Variants in KCNIP2 observed in about 807,000 individuals in gnomAD.
KCNIP2 encodes the protein A-type potassium channel modulatory protein KCNIP2.
Under a neutral mutation model 39.0 loss-of-function variants are expected in KCNIP2, and 19 were observed. That is an observed-to-expected ratio of 0.49 (90% CI 0.34 to 0.71). The LOEUF is 0.71. Among genes scored for constraint, KCNIP2 ranks in the 30% least tolerant of loss-of-function variants. The pLI is 0.01. For missense variants in KCNIP2, 261 were observed against 346.0 expected (o/e 0.75, Z 1.95); for synonymous variants, 111 against 131.2 (o/e 0.85, Z 1.05).
rs186239791 is a variant in KCNIP2 at position 101,843,183 on chromosome 10, G to A, written c.73+313C>T. Among the ~76,000 whole-genome samples the A allele has an allele frequency of 7.2e-5, 11 of 151,988 alleles. No individual in the cohort carries two copies. Among genetic ancestry groups the A allele is most frequent in the Admixed American group, 7.2e-4 (11 of 15,266 alleles). On this transcript the variant is annotated intron_variant, in intron 1 of 9. Transcript: ENST00000356640. This position sits in a 1 kb window ranked among gnomAD's most constrained non-coding sequence, Gnocchi z 6.7. ...TGGCAACCAGCTGTGGGAGGTGCGCGCGCACACACACACACACACACAGAA... is the reference window on the plus strand; with the variant it reads ...TGGCAACCAGCTGTGGGAGGTGCGCACGCACACACACACACACACACAGAA...
intron 1 of KCNIP2, among the ~76,000 whole-genome samples, 169 bp from the exon 2 acceptor site, chr10:101,831,336 A>C (rs952194836): frequency 2.6e-5 from 4 of 152,180 alleles, no homozygotes; most frequent in African/African-American, 9.7e-5. Flanking sequence ...AGGGGAGCCC[A>C]GTGAGTCCAT....
intron 1 of KCNIP2, among the ~76,000 whole-genome samples, chr10:101,835,524 G>A (rs967167254): frequency 1.3e-5 from 2 of 152,134 alleles, no homozygotes; most frequent in African/African-American, 2.4e-5. Context: ...AGCCCTGCCT[G>A]CTCCTTAGGA....
intron 8 of KCNIP2, 42 bp from the exon 9 acceptor site, chr10:101,827,793 AAG>A: frequency 1.3e-6 from 2 of 1,558,710 alleles, no homozygotes; most frequent in Non-Finnish European, 1.8e-6. Context: ...GAGGGATGGC[AAG>A]AGAGAGGCAG....
In KCNIP2 at chr10:101,827,279, A is replaced by G; in HGVS notation, c.*74T>C. On this transcript the variant is annotated 3_prime_UTR_variant, in exon 10 of 10. Transcript: ENST00000356640. Reference sequence around the variant, plus strand: ...GTAGGATGAGGATAGACCTGGGAAGAGAAGGGTGAGGTCCGCCTGGACTAG... The same window carrying G: ...GTAGGATGAGGATAGACCTGGGAAGGGAAGGGTGAGGTCCGCCTGGACTAG... The G allele has an allele frequency of 6.6e-7, 1 of 1,506,250 alleles. No individual in the cohort carries two copies. The highest frequency in any genetic ancestry group is 1.4e-5 in the South Asian group (1 of 73,738). The allele number at this position is 1,506,250 out of a possible 1,614,324, so 93.3% of individuals were successfully genotyped here. A position where few individuals can be genotyped will look rare whatever the true frequency, so the allele number is the denominator to read the frequency against.
At position 101,827,929 on chromosome 10, in the gene KCNIP2, C is replaced by G; in HGVS notation, c.662G>C (p.Arg221Pro). ...MMGKYTYPAL[R>P]EEAPREHVES... Reference sequence around the variant, plus strand: ...CACGTGTTCCCTTGGGGCCTCCTCCCGGAGTGCAGGGTACGTGTACTTGCC... The same window carrying G: ...CACGTGTTCCCTTGGGGCCTCCTCCGGGAGTGCAGGGTACGTGTACTTGCC... The change falls in exon 8 of 10, where the codon CGG becomes CCG. Residue 221 changes from arginine to proline, a missense_variant. By Grantham distance (103) the Arg-to-Pro change is moderately radical (BLOSUM62 -2). Coordinates refer to ENST00000356640, the MANE Select transcript of KCNIP2 (RefSeq NM_173191.3). 2 of 1,614,074 alleles carry G rather than the reference C, an allele frequency of 1.2e-6. No individual in the cohort carries two copies. The highest frequency in any genetic ancestry group is 1.7e-6 in the Non-Finnish European group (2 of 1,179,952).
chr10:101,831,159 G>C lies in KCNIP2; in HGVS notation c.82C>G (p.Pro28Ala). The part of the protein sequence containing the change: ...GSYDQLTGHP[P>A]GPTKKALKQR... ...TTCAGCGCTTTTTTAGTGGGCCCTGGAGGGTGGCCTGGGAAGAGAGAAGAC... is the reference window on the plus strand; with the variant it reads ...TTCAGCGCTTTTTTAGTGGGCCCTGCAGGGTGGCCTGGGAAGAGAGAAGAC... The change falls in exon 2 of 10, where the codon CCA becomes GCA. Residue 28 changes from proline to alanine, a missense_variant. Physicochemically the swap from Pro to Ala is conservative, Grantham distance 27. Transcript: ENST00000356640. 6.2e-7 allele frequency: 1 copy of C among 1,605,682 alleles called. No individual in the cohort carries two copies. The highest frequency in any genetic ancestry group is 8.5e-7 in the Non-Finnish European group (1 of 1,176,334).
Position 101,827,246 on chromosome 10 carries a change from AG to A in KCNIP2, c.*106del. 7.2e-7 allele frequency: 1 copy of A among 1,382,156 alleles called. No individual in the cohort carries two copies. The highest frequency in any genetic ancestry group is 9.4e-7 in the Non-Finnish European group (1 of 1,062,434). 85.6% of individuals were successfully genotyped at this position (1,382,156 alleles called of 1,614,324 possible). On this transcript the variant is annotated 3_prime_UTR_variant, in exon 10 of 10. Transcript: ENST00000356640. Reference sequence around the variant, plus strand: ...AAGCTCTTGGATCCCTCCAGCCCCCAGGGAGGCGTAGGATGAGGATAGACCT... The same window carrying A: ...AAGCTCTTGGATCCCTCCAGCCCCCAGGAGGCGTAGGATGAGGATAGACCT...
chr10:101,829,035 T>C (rs757353974), intron 4 of KCNIP2, 40 bp downstream of exon 4: 2 of 1,600,378 alleles, frequency 1.2e-6, no homozygotes, highest in African/African-American at 1.3e-5. Flanking sequence ...TGGGTCCTCC[T>C]GTCCCACCCT....
chr10:101,836,514 G>A (rs1369320434), intron 1 of KCNIP2, among the ~76,000 whole-genome samples: 1 of 152,040 alleles, frequency 6.6e-6, no homozygotes, highest in East Asian at 1.9e-4. Flanking sequence ...GGAATTCCAG[G>A]CGTGTGCCAC....
intron 1 of KCNIP2, among the ~76,000 whole-genome samples, chr10:101,834,631 A>C (rs1318526284): frequency 6.6e-6 from 1 of 152,134 alleles, no homozygotes; most frequent in Non-Finnish European, 1.5e-5. Flanking sequence ...TTTGGCCAAG[A>C]TATGGGCCAG....
Position 101,828,784 on chromosome 10 carries a change from G to A in KCNIP2, c.349-88C>T, listed in dbSNP as rs554662129. ...CCCTCCATGGCCCAAGACTCCCAGG[G>A]AGGGGGATAATCTTCAAGCCTCCAG... On this transcript the variant is annotated intron_variant, in intron 4 of 9. Coordinates refer to ENST00000356640, the MANE Select transcript of KCNIP2 (RefSeq NM_173191.3). The surrounding 1 kb of genome is among the most constrained non-coding windows in gnomAD (Gnocchi z 6.6). 6.2e-6 allele frequency: 10 copies of A among 1,609,910 alleles called. No homozygotes were observed. The South Asian group carries it at 1.1e-4, about 18-fold the overall frequency.
chr10:101,843,403 G>T lies in KCNIP2; in HGVS notation c.73+93C>A. On this transcript the variant is annotated intron_variant, in intron 1 of 9. Coordinates refer to ENST00000356640, the MANE Select transcript of KCNIP2 (RefSeq NM_173191.3). This position sits in a 1 kb window ranked among gnomAD's most constrained non-coding sequence, Gnocchi z 6.7. ...AGAGTGCCTGGGAATGGGGCAGAGT[G>T]TGGGTGCGGGCCAGGCCGGGGTCGG... The T allele has an allele frequency of 1.3e-6, 1 of 764,654 alleles. No homozygotes were observed. The highest frequency in any genetic ancestry group is 1.9e-6 in the Non-Finnish European group (1 of 525,020). 47.4% of individuals were successfully genotyped at this position (764,654 alleles called of 1,614,324 possible).
At chr10:101,837,579 T>C (rs748319383) in intron 1 of KCNIP2, among the ~76,000 whole-genome samples, 6 of 152,054 alleles carry the variant, frequency 3.9e-5, no homozygotes, top group Non-Finnish European at 8.8e-5. Context: ...TAAGGCAGAA[T>C]TGCTTGAACC....
chr10:101,834,214 G>C, intron 1 of KCNIP2: 1 of 399,034 alleles, frequency 2.5e-6, no homozygotes, highest in South Asian at 1.3e-4. Context: ...TAGTGCTGTG[G>C]GGCAGCTGCC....
intron 1 of KCNIP2, among the ~76,000 whole-genome samples, chr10:101,837,147 C>T (rs1366488682): frequency 2.6e-5 from 4 of 152,086 alleles, no homozygotes; most frequent in Admixed American, 6.5e-5. Context: ...ATTTATCCAG[C>T]ACATTTTGTG....
At chr10:101,841,250 G>C (rs1424910166) in intron 1 of KCNIP2, among the ~76,000 whole-genome samples, 2 of 152,204 alleles carry the variant, frequency 1.3e-5, no homozygotes, top group East Asian at 1.9e-4. Flanking sequence ...CCGGGAAGAC[G>C]GGAGCTGCAG....
chr10:101,832,023 C>T (rs1036095476), intron 1 of KCNIP2, among the ~76,000 whole-genome samples: 1 of 152,212 alleles, frequency 6.6e-6, no homozygotes, highest in African/African-American at 2.4e-5. Flanking sequence ...TTCCAAGGTG[C>T]CCAGAATCTT....
At chr10:101,827,817 G>A in intron 8 of KCNIP2, 66 bp from the exon 9 acceptor site, 3 of 1,535,046 alleles carry the variant, frequency 2.0e-6, no homozygotes, top group Admixed American at 1.7e-5. Flanking sequence ...CAGAAGTCAG[G>A]TGAGTTCCCT....
chr10:101,843,446 G>C lies in KCNIP2; in HGVS notation c.73+50C>G, dbSNP rs759196985. On this transcript the variant is annotated intron_variant, in intron 1 of 9. Coordinates refer to ENST00000356640, the MANE Select transcript of KCNIP2 (RefSeq NM_173191.3). The surrounding 1 kb of genome is among the most constrained non-coding windows in gnomAD (Gnocchi z 6.7). ...GGGGTCGGAGAGGCGGAAGGGTCTG[G>C]AGGAATGGAATCCACCCTCCCTCCC... 9.2e-6 allele frequency: 12 copies of C among 1,298,112 alleles called. No individual in the cohort carries two copies. Among genetic ancestry groups the C allele is most frequent in the Non-Finnish European group, 1.2e-5 (11 of 950,298 alleles). 80.4% of individuals were successfully genotyped at this position (1,298,112 alleles called of 1,614,324 possible).
Sources: allele counts gnomAD v4.1 joint callset (sites outside exome capture counted in the v4.1 genomes callset), GRCh38; gene constraint gnomAD v4.1.1; non-coding constraint Gnocchi (gnomAD v3.1); transcripts MANE v1.5; gene names NCBI Gene and HGNC (gene_info 2026-07-23, HGNC 2026-07-21).